GREB1L: variants seen among roughly 807,000 people sequenced by gnomAD.
The protein encoded by GREB1L is GREB1-like protein.
A neutral mutation model predicts 200.8 loss-of-function variants in GREB1L; 17 were observed. The observed-to-expected ratio is 0.08, with a 90% CI of 0.06 to 0.13. The LOEUF (loss-of-function observed/expected upper bound fraction) is 0.13. Among genes scored for constraint, GREB1L ranks in the 10% least tolerant of loss-of-function variants. GREB1L has a pLI of 1.00. For synonymous variants in GREB1L, 789 were observed against 893.0 expected (o/e 0.88, Z 2.08); for missense variants, 1,657 against 2,367.7 (o/e 0.70, Z 6.23).
chr18:21,375,889 TCACCAC>T (rs955163293), intron 2 of GREB1L, among the ~76,000 whole-genome samples: 2 of 151,764 alleles, frequency 1.3e-5, no homozygotes, highest in African/African-American at 4.8e-5. Flanking sequence ...ACCACCACCA[TCACCAC>T]CACCACCACC....
chr18:21,489,729 C>A (rs1424375055), intron 18 of GREB1L, among the ~76,000 whole-genome samples: 3 of 152,190 alleles, frequency 2.0e-5, no homozygotes, highest in Non-Finnish European at 4.4e-5. Flanking sequence ...GGTGCTGCTG[C>A]TGCTGGTGGT....
At chr18:21,521,539 CTTAT>C (rs552940717) in intron 32 of GREB1L, among the ~76,000 whole-genome samples, 28 of 152,132 alleles carry the variant, frequency 1.8e-4, no homozygotes, top group South Asian at 8.3e-4. Context: ...CATTCATTCA[CTTAT>C]TTATTTATTT....
intron 1 of GREB1L, among the ~76,000 whole-genome samples, chr18:21,258,077 T>C (rs2037829931): frequency 6.6e-6 from 1 of 152,196 alleles, no homozygotes; most frequent in Non-Finnish European, 1.5e-5. Flanking sequence ...GTTTTGTGAT[T>C]CAACTAGATT....
At chr18:21,277,624 A>G (rs528299429) in intron 1 of GREB1L, among the ~76,000 whole-genome samples, 3 of 152,148 alleles carry the variant, frequency 2.0e-5, no homozygotes, top group Admixed American at 6.5e-5. Flanking sequence ...CCTTTGTGTA[A>G]ACTCCTCCAT....
At position 21,499,930 on chromosome 18, in the gene GREB1L, C is replaced by A; in HGVS notation, c.3593C>A (p.Thr1198Asn). Residue 1198 changes from threonine to asparagine, a missense_variant, in exon 22 of 33, where the codon ACC becomes AAC. This residue lies in a region of GREB1L where 512 missense variants were observed against 668.3 expected (regional missense o/e 0.77). Transcript: ENST00000424526. Reference protein sequence around the residue: ...SLGPQMASSTTSKPSSSSSGP... With the variant: ...SLGPQMASSTNSKPSSSSSGP... ...GGCCCCCAGATGGCGAGCAGCACCACCTCCAAGCCGTCATCATCATCCTCA... is the reference window on the plus strand; with the variant it reads ...GGCCCCCAGATGGCGAGCAGCACCAACTCCAAGCCGTCATCATCATCCTCA... 6.5e-7 allele frequency: 1 copy of A among 1,550,252 alleles called. No homozygotes were observed. Among genetic ancestry groups the A allele is most frequent in the Non-Finnish European group, 8.7e-7 (1 of 1,146,298 alleles).
chr18:21,516,406 A>G (rs1258372507), intron 29 of GREB1L, among the ~76,000 whole-genome samples: 1 of 152,212 alleles, frequency 6.6e-6, no homozygotes, highest in African/African-American at 2.4e-5. Context: ...AGCTGGGACA[A>G]AAATAATCTC....
chr18:21,423,681 G>A (rs938330662), intron 7 of GREB1L, among the ~76,000 whole-genome samples: 2 of 152,032 alleles, frequency 1.3e-5, no homozygotes, highest in African/African-American at 4.8e-5. Context: ...GCAACATAGG[G>A]AGACCTCCTG....
chr18:21,285,335 C>T (rs1288716932), intron 1 of GREB1L, among the ~76,000 whole-genome samples: 1 of 152,130 alleles, frequency 6.6e-6, no homozygotes, highest in African/African-American at 2.4e-5. Context: ...GAGATTTACA[C>T]CTATGTTATG....
At chr18:21,371,584 G>A (rs1313201158) in intron 2 of GREB1L, among the ~76,000 whole-genome samples, 1 of 151,144 alleles carries the variant, frequency 6.6e-6, no homozygotes, top group Admixed American at 6.6e-5. Flanking sequence ...TCAGGAGATC[G>A]AGACCATCCT....
At chr18:21,316,622 C>A (rs866964966) in intron 1 of GREB1L, among the ~76,000 whole-genome samples, 2 of 152,260 alleles carry the variant, frequency 1.3e-5, no homozygotes, top group Middle Eastern at 3.4e-3. Context: ...GCTGTAAAAA[C>A]CACTTCCTTG....
chr18:21,312,873 G>A lies in GREB1L; in HGVS notation c.-119-53154G>A, dbSNP rs574410760. Among the ~76,000 whole-genome samples the A allele has an allele frequency of 8.5e-5, 13 of 152,258 alleles. No individual in the cohort carries two copies. The East Asian group carries it at 2.1e-3, about 25-fold the overall frequency. Reference sequence around the variant, plus strand: ...GGTCCAGTAATAACCATTCTGACTGGTGTGAGATCATATCTCATTGTGGTT... The same window carrying A: ...GGTCCAGTAATAACCATTCTGACTGATGTGAGATCATATCTCATTGTGGTT... On this transcript the variant is annotated intron_variant, in intron 1 of 32. Transcript: ENST00000424526.
intron 1 of GREB1L, among the ~76,000 whole-genome samples, chr18:21,325,363 A>G (rs2039006759): frequency 6.6e-6 from 1 of 152,108 alleles, no homozygotes. Flanking sequence ...TATCTGCTAC[A>G]TTTTTTCTTG....
intron 1 of GREB1L, among the ~76,000 whole-genome samples, chr18:21,327,735 G>A (rs2039044704): frequency 1.3e-5 from 2 of 150,686 alleles, no homozygotes; most frequent in South Asian, 2.1e-4. Flanking sequence ...TGGGGGGCAC[G>A]GAGTCTCACT....
chr18:21,433,917 G>A (rs1323001472), intron 7 of GREB1L, among the ~76,000 whole-genome samples: 1 of 151,998 alleles, frequency 6.6e-6, no homozygotes, highest in Non-Finnish European at 1.5e-5. Flanking sequence ...AACTCTAATT[G>A]GCTTGAATCT....
At chr18:21,445,421 C>T (rs1230528858) in intron 11 of GREB1L, among the ~76,000 whole-genome samples, 2 of 152,038 alleles carry the variant, frequency 1.3e-5, no homozygotes, top group Admixed American at 1.3e-4. Flanking sequence ...TTGCAGTGAG[C>T]CCAGATCACG....
In GREB1L at chr18:21,293,153, G is replaced by T. The variant is rs369621287; in HGVS notation, c.-120+50760G>T. 3.9e-5 allele frequency among the ~76,000 whole-genome samples: 6 copies of T among 152,304 alleles called. No individual in the cohort carries two copies. In the Middle Eastern group the frequency reaches 0.01, roughly 259 times the overall value. On this transcript the variant is annotated intron_variant, in intron 1 of 32. Transcript: ENST00000424526. The stretch of plus-strand genomic sequence containing the variant: ...CAAAATGAGTGATTTTGCAGCTCTG[G>T]TATGGCCTTGGCAGAAATATTTTCT...
At chr18:21,296,434 A>G (rs2038528504) in intron 1 of GREB1L, among the ~76,000 whole-genome samples, 1 of 152,086 alleles carries the variant, frequency 6.6e-6, no homozygotes, top group Non-Finnish European at 1.5e-5. Context: ...ACTGGAGGGG[A>G]TGGAGAGAGG....
At position 21,403,377 on chromosome 18, in the gene GREB1L, T is replaced by C. The variant is rs1477594241; in HGVS notation, c.710-495T>C. Among the ~76,000 whole-genome samples, 4 of 152,298 alleles carry C rather than the reference T, an allele frequency of 2.6e-5. No individual in the cohort carries two copies. In the South Asian group the frequency reaches 8.3e-4, roughly 32 times the overall value. ...ATAATATTAATTTGAGCATTTAAAA[T>C]TTTTCTCTACTGCCTATACATTTTT... On this transcript the variant is annotated intron_variant, in intron 6 of 32. Coordinates refer to ENST00000424526, the MANE Select transcript of GREB1L (RefSeq NM_001142966.3).
chr18:21,476,237 G>A (rs2035695268), intron 16 of GREB1L, among the ~76,000 whole-genome samples: 1 of 152,222 alleles, frequency 6.6e-6, no homozygotes, highest in Admixed American at 6.5e-5. Context: ...GAATCTGGAA[G>A]TTTTTGGTTT....
Sources: allele counts gnomAD v4.1 joint callset (sites outside exome capture counted in the v4.1 genomes callset), GRCh38; gene constraint gnomAD v4.1.1; regional missense constraint gnomAD v4.1.1; transcripts MANE v1.5; gene names NCBI Gene and HGNC (gene_info 2026-07-23, HGNC 2026-07-21).